Variants in ZFHX3 observed in about 807,000 individuals in gnomAD.
The protein encoded by ZFHX3 is zinc finger homeobox 3, also known as zinc finger homeobox protein 3.
A neutral mutation model predicts 279.1 loss-of-function variants in ZFHX3; 42 were observed. The ratio of observed to expected loss-of-function variants is 0.15; its 90% confidence interval spans 0.12 to 0.19. The LOEUF is 0.19. Ranked by LOEUF, ZFHX3 falls within the 10% of genes least tolerant of loss-of-function variation. The pLI, the probability that ZFHX3 is intolerant of heterozygous loss-of-function variation, is 1.00. For synonymous variants in ZFHX3, 2,293 were observed against 1,957.8 expected (o/e 1.17, Z -4.52); for missense variants, 4,981 against 4,754.0 (o/e 1.05, Z -1.40).
chr16:73,118,421 C>G (rs1285853580), intron 7 of ZFHX3, among the ~76,000 whole-genome samples: 1 of 152,094 alleles, frequency 6.6e-6, no homozygotes, highest in Non-Finnish European at 1.5e-5. Flanking sequence ...GTTGGCCAGG[C>G]TGGTCTTGAA....
chr16:73,254,281 T>C (rs28698707), intron 5 of ZFHX3, among the ~76,000 whole-genome samples: 108,489 of 151,928 alleles, frequency 0.71, 38,968 homozygotes, highest in East Asian at 0.8. Context: ...GTTGGACTTG[T>C]GTAGCAGGTT....
At chr16:73,744,290 A>T (rs1316964906) in intron 1 of ZFHX3, among the ~76,000 whole-genome samples, 1 of 152,212 alleles carries the variant, frequency 6.6e-6, no homozygotes, top group African/African-American at 2.4e-5. Flanking sequence ...ATGGTGCTTG[A>T]CAGAGACAAT....
intron 3 of ZFHX3, among the ~76,000 whole-genome samples, chr16:73,352,616 A>G (rs1205972863): frequency 3.3e-5 from 5 of 150,872 alleles, no homozygotes; most frequent in Non-Finnish European, 7.4e-5. Flanking sequence ...AGCAGCTGGG[A>G]CTACAGGCAT....
chr16:73,574,890 G>A (rs1215289924), intron 2 of ZFHX3, among the ~76,000 whole-genome samples: 1 of 151,978 alleles, frequency 6.6e-6, no homozygotes, highest in Non-Finnish European at 1.5e-5. Context: ...GTACCTCAAG[G>A]TACCTCTAAT....
chr16:73,614,259 TCTGA>T (rs1370854655), intron 2 of ZFHX3, among the ~76,000 whole-genome samples: 1 of 152,222 alleles, frequency 6.6e-6, no homozygotes, highest in African/African-American at 2.4e-5. Context: ...CAGGAACATC[TCTGA>T]CTGGTCATCC....
At chr16:73,307,235 C>A (rs2015203458) in intron 4 of ZFHX3, among the ~76,000 whole-genome samples, 1 of 152,208 alleles carries the variant, frequency 6.6e-6, no homozygotes, top group African/African-American at 2.4e-5. Context: ...CATTTGTAAA[C>A]TGGGCTTCCT....
chr16:72,875,611 T>C (rs890282019), intron 4 of ZFHX3, among the ~76,000 whole-genome samples: 7 of 152,118 alleles, frequency 4.6e-5, no homozygotes, highest in Admixed American at 2.0e-4. Context: ...ATTCCGCCCA[T>C]AAAAATGCTG....
chr16:73,747,648 C>G (rs2053716269), intron 1 of ZFHX3, among the ~76,000 whole-genome samples: 1 of 152,096 alleles, frequency 6.6e-6, no homozygotes, highest in Non-Finnish European at 1.5e-5. Context: ...AGAGACATCT[C>G]CCTCAGATAG....
rs757887629 is a variant in ZFHX3, at chr16:73,135,670, A to G, written c.-1023-4576T>C. Among the ~76,000 whole-genome samples the G allele has an allele frequency of 2.1e-4, 32 of 152,304 alleles. 1 individual carries two copies. The highest frequency in any genetic ancestry group is 7.8e-4 in the Admixed American group (12 of 15,310). On this transcript the variant is annotated intron_variant, in intron 6 of 17. Transcript: ENST00000641206. ...TGTTCGAATCAAATTGATTGCCAAC[A>G]ATCAAAATTTGAGATATTTCAGGTT...
chr16:73,155,180 C>CAAAAAAAA (rs780941621), intron 5 of ZFHX3, among the ~76,000 whole-genome samples: 1 of 105,216 alleles, frequency 9.5e-6, no homozygotes, highest in Non-Finnish European at 2.0e-5. Context: ...CTCAAAAAAA[C>CAAAAAAAA]AAAAAAAAAA....
intron 3 of ZFHX3, among the ~76,000 whole-genome samples, chr16:73,335,344 C>T (rs1383579170): frequency 1.3e-5 from 2 of 152,116 alleles, no homozygotes; most frequent in African/African-American, 4.8e-5. Context: ...TGAATTAGAA[C>T]CTAAAAGATA....
chr16:72,785,076 A>C lies in ZFHX3; in HGVS notation c.*2088T>G, dbSNP rs118060032. The C allele has an allele frequency of 0.012, 1,837 of 152,764 alleles. 20 individuals are homozygous for C. The highest frequency in any genetic ancestry group is 0.031 in the Middle Eastern group (9 of 294). The allele number at this position is 152,764 out of a possible 1,614,324, so 9.5% of individuals were successfully genotyped here. ...TTCCCTTTTGAAACATAAGGAAGAA[A>C]ACGAAGGGAAGAAGGATTTCACACT... On this transcript the variant is annotated 3_prime_UTR_variant, in exon 10 of 10. Transcript: ENST00000268489.
At chr16:73,166,675 G>A (rs1334980663) in intron 5 of ZFHX3, among the ~76,000 whole-genome samples, 2 of 152,172 alleles carry the variant, frequency 1.3e-5, no homozygotes, top group African/African-American at 2.4e-5. Context: ...CAAGGAGGAT[G>A]TTTTCTCCTT....
intron 5 of ZFHX3, among the ~76,000 whole-genome samples, chr16:73,242,376 T>C (rs761517708): frequency 3.4e-4 from 51 of 152,178 alleles, no homozygotes; most frequent in Non-Finnish European, 4.9e-4. Flanking sequence ...CCCATTAGCC[T>C]GGTAACTACT....
intron 2 of ZFHX3, among the ~76,000 whole-genome samples, chr16:73,510,009 A>C (rs1001993176): frequency 2.0e-5 from 3 of 152,158 alleles, no homozygotes; most frequent in Admixed American, 2.0e-4. Flanking sequence ...GCCTGTCTCA[A>C]ACATGCTCAG....
intron 7 of ZFHX3, among the ~76,000 whole-genome samples, chr16:72,801,103 G>C (rs2036086102): frequency 6.6e-6 from 1 of 152,186 alleles, no homozygotes; most frequent in Non-Finnish European, 1.5e-5. Flanking sequence ...ATATCCTTTT[G>C]CCTGATATGG....
intron 1 of ZFHX3, among the ~76,000 whole-genome samples, chr16:73,728,126 G>A (rs1275993693): frequency 6.9e-6 from 1 of 144,332 alleles, no homozygotes; most frequent in Admixed American, 7.6e-5. Flanking sequence ...GTTAAATGAG[G>A]TCCTTAGGAT....
chr16:73,820,887 G>C (rs1266105596), intron 1 of ZFHX3, among the ~76,000 whole-genome samples: 2 of 151,756 alleles, frequency 1.3e-5, no homozygotes, highest in African/African-American at 2.4e-5. Context: ...GACTGAGATT[G>C]ATCAAAGGGA....
chr16:72,988,549 T>C (rs1360158582), intron 1 of ZFHX3, among the ~76,000 whole-genome samples: 3 of 152,210 alleles, frequency 2.0e-5, no homozygotes, highest in African/African-American at 7.2e-5. Flanking sequence ...ATCACTTCTT[T>C]TCAAATAACG....
Sources: gnomAD v4.1 joint callset for allele counts (sites outside exome capture counted in the v4.1 genomes callset) on GRCh38, gnomAD v4.1.1 for gene constraint, MANE v1.5 for transcripts, NCBI Gene and HGNC (gene_info 2026-07-23, HGNC 2026-07-21) for gene names.